C17orf114: variants seen among roughly 807,000 people sequenced by gnomAD.
The protein encoded by C17orf114 is chromosome 17 open reading frame 114, also known as uncharacterized protein C17orf114.
upstream of C17orf114, chr17:4,802,367 G>C (rs1433129280): frequency 2.5e-6 from 1 of 398,842 alleles, no homozygotes; most frequent in East Asian, 3.6e-5. Context: ...GAGGGCCCCC[G>C]GGAGAGGGGT....
chr17:4,801,353 T>G, exon 2 of C17orf114: 1 of 398,782 alleles, frequency 2.5e-6, no homozygotes, highest in Non-Finnish European at 4.4e-6. Context: ...GAGTCGGGCT[T>G]TCCTGCTGAA....
chr17:4,802,248 T>C, exon 1 of C17orf114: 2 of 399,778 alleles, frequency 5.0e-6, no homozygotes, highest in Non-Finnish European at 8.8e-6. Flanking sequence ...ACTCCATACC[T>C]GCTCCTCTTT....
chr17:4,805,499 C>A (rs186117516), upstream of C17orf114, among the ~76,000 whole-genome samples: 1 of 151,802 alleles, frequency 6.6e-6, no homozygotes, highest in African/African-American at 2.4e-5. Flanking sequence ...CTGAGGAGGG[C>A]GGATCACTTG....
upstream of C17orf114, among the ~76,000 whole-genome samples, chr17:4,802,702 T>C (rs1299159497): frequency 6.6e-6 from 1 of 152,186 alleles, no homozygotes; most frequent in African/African-American, 2.4e-5. Context: ...CTTTGTATTT[T>C]AGAATGAGAA....
rs1845957263 is a variant in C17orf114 at position 4,801,467 on chromosome 17, G to C, written c.74-12C>G. On this transcript the variant is annotated splice_polypyrimidine_tract_variant and intron_variant, in intron 1 of 1. Coordinates refer to ENST00000635921, the Ensembl canonical transcript of C17orf114. ...AGCAGGACTCAGGCCTAAAAGATTG[G>C]AGGAAGAAGGAAGTTGTAGGTCAGG... 2.0e-5 allele frequency: 8 copies of C among 398,738 alleles called. No individual in the cohort carries two copies. Among genetic ancestry groups the C allele is most frequent in the Admixed American group, 4.4e-5 (1 of 22,712 alleles). 24.7% of individuals were successfully genotyped at this position (398,738 alleles called of 1,614,324 possible).
At chr17:4,803,525 C>A (rs1210414983), upstream of C17orf114, among the ~76,000 whole-genome samples, 1 of 143,560 alleles carries the variant, frequency 7.0e-6, no homozygotes, top group Admixed American at 7.3e-5. Flanking sequence ...CCCGGGTTCA[C>A]GCCATTCTCC....
chr17:4,801,957 CT>C (rs1282291507), intron 1 of C17orf114, among the ~76,000 whole-genome samples: 2 of 152,106 alleles, frequency 1.3e-5, no homozygotes, highest in Non-Finnish European at 2.9e-5. Context: ...TCTCCATCCC[CT>C]GACCTCGTGA....
At chr17:4,806,161 GCT>G (rs1412964765), upstream of C17orf114, among the ~76,000 whole-genome samples, 20 of 152,122 alleles carry the variant, frequency 1.3e-4, no homozygotes, top group Admixed American at 1.3e-4. Flanking sequence ...AATGGCCAAC[GCT>G]AAAGACTGAC....
At chr17:4,801,656 C>T (rs1007368307) in intron 1 of C17orf114, among the ~76,000 whole-genome samples, 3 of 151,872 alleles carry the variant, frequency 2.0e-5, no homozygotes, top group African/African-American at 7.3e-5. Context: ...GTGACCTGTG[C>T]AGTTGCATAG....
upstream of C17orf114, among the ~76,000 whole-genome samples, chr17:4,803,416 ATTTTTTT>A (rs34116712): frequency 1.2e-4 from 9 of 75,464 alleles, no homozygotes; most frequent in African/African-American, 3.9e-4. Flanking sequence ...GTTTTTTTTA[ATTTTTTT>A]TTTTTTTTTT....
chr17:4,801,400 A>C, exon 2 of C17orf114: 2 of 398,888 alleles, frequency 5.0e-6, no homozygotes, highest in Non-Finnish European at 8.8e-6. Context: ...CCCCTCCCTC[A>C]GCCATGGTGG....
chr17:4,805,182 G>A (rs1216012835), upstream of C17orf114, among the ~76,000 whole-genome samples: 2 of 152,080 alleles, frequency 1.3e-5, no homozygotes, highest in Non-Finnish European at 2.9e-5. Flanking sequence ...TGTAATCCCA[G>A]CACTTTAGGC....
At chr17:4,801,645 T>C (rs11652445) in intron 1 of C17orf114, among the ~76,000 whole-genome samples, 190 bp from the exon 2 acceptor site, 18,591 of 151,858 alleles carry the variant, frequency 0.12, 1,369 homozygotes, top group East Asian at 0.26. Context: ...CTCGCACACA[T>C]GTGACCTGTG....
upstream of C17orf114, among the ~76,000 whole-genome samples, chr17:4,803,621 T>C (rs1279700199): frequency 6.6e-6 from 1 of 150,776 alleles, no homozygotes; most frequent in Non-Finnish European, 1.5e-5. Context: ...AGAGATGGGG[T>C]TTCACCGTGT....
At chr17:4,805,295 G>A (rs1396422884), upstream of C17orf114, among the ~76,000 whole-genome samples, 1 of 151,682 alleles carries the variant, frequency 6.6e-6, no homozygotes, top group African/African-American at 2.4e-5. Context: ...TAGGCGTGGT[G>A]GCAGGTGCCT....
rs140213491 is a variant in C17orf114 at position 4,801,224 on chromosome 17, G to A, written c.*65C>T. On this transcript the variant is annotated 3_prime_UTR_variant, in exon 2 of 2. Transcript: ENST00000635921. ...ACTTGGGGAGGTGGACATTAGGATC[G>A]CTGAGAAATCTGGGGAAGGAAGCTT... 2.2e-3 allele frequency: 884 copies of A among 398,494 alleles called. 7 individuals are homozygous for A. The highest frequency in any genetic ancestry group is 0.017 in the African/African-American group (817 of 48,738). The allele number at this position is 398,494 out of a possible 1,614,324, so 24.7% of individuals were successfully genotyped here.
At chr17:4,806,815 G>A (rs1389656246), upstream of C17orf114, 1 of 150,442 alleles carries the variant, frequency 6.6e-6, no homozygotes, top group East Asian at 1.9e-4. Flanking sequence ...GGAGGGGCCC[G>A]GGGCGGGCGC....
upstream of C17orf114, among the ~76,000 whole-genome samples, chr17:4,805,496 G>A (rs990529989): frequency 6.6e-6 from 1 of 152,098 alleles, no homozygotes; most frequent in Non-Finnish European, 1.5e-5. Context: ...AGGCTGAGGA[G>A]GGCGGATCAC....
chr17:4,801,284 C>G (rs1905502097), exon 2 of C17orf114: 1 of 398,610 alleles, frequency 2.5e-6, no homozygotes, highest in African/African-American at 2.1e-5. Context: ...TCCTCGTCGT[C>G]CCCTTCAAAT....
Sources: gnomAD v4.1 joint callset for allele counts (sites outside exome capture counted in the v4.1 genomes callset) on GRCh38, gnomAD v4.1.1 for gene constraint, MANE v1.5 for transcripts, NCBI Gene and HGNC (gene_info 2026-07-23, HGNC 2026-07-21) for gene names.